The following ZNF213 variants were observed in gnomAD, a reference collection of about 807,000 sequenced individuals.
ZNF213 encodes the protein putative transcription factor CR53.
Under a neutral mutation model 46.0 loss-of-function variants are expected in ZNF213, and 32 were observed. That is an observed-to-expected ratio of 0.70 (90% CI 0.52 to 0.93). The LOEUF is 0.93. ZNF213 is among the 40% of genes least tolerant of loss of function. The probability of loss-of-function intolerance (pLI) is 0.00; values close to 1 mark genes in which losing one functional copy is unlikely to be tolerated. For missense variants in ZNF213, 639 were observed against 652.8 expected, an observed-to-expected ratio of 0.98 and a Z score of 0.23; for synonymous variants, 297 against 271.0, an observed-to-expected ratio of 1.10 and a Z score of -0.94.
intron 3 of ZNF213, 76 bp from the exon 4 acceptor site, chr16:3,138,669 G>A (rs1246197779): frequency 3.1e-6 from 5 of 1,608,380 alleles, no homozygotes; most frequent in Non-Finnish European, 4.3e-6. Flanking sequence ...GTGTGCATGC[G>A]CACAGGCTGG....
In ZNF213 at chr16:3,142,667, C is replaced by T. The variant is rs1389960350; in HGVS notation, c.*1320C>T. ...TGGCTCCCTGCTCCATCGGCACTAA[C>T]GCCCTGCTTCATTGGCACTTTGCTG... is the stretch of plus-strand genomic sequence containing the variant. On this transcript the variant is annotated 3_prime_UTR_variant, in exon 6 of 6. Coordinates refer to ENST00000396878, the MANE Select transcript of ZNF213 (RefSeq NM_004220.3). 6.1e-5 allele frequency: 10 copies of T among 164,806 alleles called. No homozygotes were observed. In the South Asian group the frequency reaches 8.7e-4, roughly 14 times the overall value. 10.2% of individuals were successfully genotyped at this position (164,806 alleles called of 1,614,324 possible). A position where few individuals can be genotyped will look rare whatever the true frequency, so the allele number is the denominator to read the frequency against.
chr16:3,141,424 T>G lies in ZNF213; in HGVS notation c.*77T>G, dbSNP rs1032070167. On this transcript the variant is annotated 3_prime_UTR_variant, in exon 6 of 6. Coordinates refer to ENST00000396878, the MANE Select transcript of ZNF213 (RefSeq NM_004220.3). Reference sequence around the variant, plus strand: ...CTTTGTTCACCACTGGGACTCTCCTTCCATCTGTGGCCACCTCCCGGGCTG... The same window carrying G: ...CTTTGTTCACCACTGGGACTCTCCTGCCATCTGTGGCCACCTCCCGGGCTG... 41 of 1,454,130 alleles carry G rather than the reference T, an allele frequency of 2.8e-5. 1 individual carries two copies. In the African/African-American group the frequency reaches 5.4e-4, roughly 19 times the overall value. The allele number at this position is 1,454,130 out of a possible 1,614,324, so 90.1% of individuals were successfully genotyped here.
At chr16:3,140,600 G>T in intron 5 of ZNF213, 89 bp from the exon 6 acceptor site, 1 of 1,425,590 alleles carries the variant, frequency 7.0e-7, no homozygotes, top group South Asian at 1.7e-5. Context: ...TGGAGGCCAG[G>T]GAGCTTTCCC....
chr16:3,135,861 G>A (rs1160287488), intron 1 of ZNF213, among the ~76,000 whole-genome samples: 3 of 117,724 alleles, frequency 2.5e-5, no homozygotes, highest in Non-Finnish European at 5.3e-5. Context: ...TTTTTTTTGA[G>A]ATGGTCTCAC....
At position 3,141,269 on chromosome 16, in the gene ZNF213, C is replaced by T. The variant is rs1422741676; in HGVS notation, c.1302C>T (p.Cys434=). The change falls in exon 6 of 6, where the codon TGC becomes TGT. Residue 434 remains cysteine, a synonymous_variant. Coordinates refer to ENST00000396878, the MANE Select transcript of ZNF213 (RefSeq NM_004220.3). ...AGCGGCCCTTCGGCTGCGGAGAGTG[C>T]GACAAGAGCTTCAAGCAGCGCGCGC... ...TGERPFGCGE[C]DKSFKQRAHL... is the part of the protein sequence containing the mutation. The T allele has an allele frequency of 3.1e-6, 5 of 1,611,684 alleles. No homozygotes were observed. In the Admixed American group the frequency reaches 6.7e-5, roughly 21 times the overall value.
intron 4 of ZNF213, 39 bp from the exon 5 acceptor site, chr16:3,138,936 G>T (rs1252673950): frequency 2.5e-6 from 4 of 1,614,034 alleles, no homozygotes; most frequent in Non-Finnish European, 2.5e-6. Context: ...CGCCAGTGCT[G>T]CTGGGAGGCC....
At position 3,138,772 on chromosome 16, in the gene ZNF213, G is replaced by T. The variant is rs777861313; in HGVS notation, c.551G>T (p.Gly184Val). 2 of 1,614,086 alleles carry T rather than the reference G, an allele frequency of 1.2e-6. No individual in the cohort carries two copies. The highest frequency in any genetic ancestry group is 8.5e-7 in the Non-Finnish European group (1 of 1,179,996). Residue 184 changes from glycine (G) to valine (V), a missense_variant, in exon 4 of 6, where the codon GGT becomes GTT. Physicochemically the swap from Gly to Val is moderately radical, Grantham distance 109. Transcript: ENST00000396878. The part of the protein sequence containing the change: ...SAQPPALLKE[G>V]RPGETTDTCF... ...CAGCCTCCTGCTCTTCTTAAAGAGG[G>T]TCGTCCCGGAGAGACGACGGACACC...
chr16:3,139,845 G>T (rs1230728068), intron 5 of ZNF213: 1 of 151,890 alleles, frequency 6.6e-6, no homozygotes, highest in Non-Finnish European at 1.5e-5. Flanking sequence ...CCGGGTTCAA[G>T]CAATTCTCCT....
intron 2 of ZNF213, chr16:3,138,119 G>A: frequency 4.0e-6 from 2 of 503,198 alleles, no homozygotes; most frequent in Non-Finnish European, 7.0e-6. Context: ...CTAATGAGTG[G>A]CTGGGGGATG....
In ZNF213 at chr16:3,137,426, G is replaced by A. The variant is rs200158720; in HGVS notation, c.146G>A (p.Arg49Gln). 1.4e-5 allele frequency: 23 copies of A among 1,613,852 alleles called. No individual in the cohort carries two copies. Among genetic ancestry groups the A allele is most frequent in the East Asian group, 2.2e-5 (1 of 44,900 alleles). Residue 49 changes from arginine (R) to glutamine (Q), a missense_variant, in exon 2 of 6, where the codon CGG becomes CAG. Coordinates refer to ENST00000396878, the MANE Select transcript of ZNF213 (RefSeq NM_004220.3). ...RDSEACRQRF[R>Q]QFCYGDVHGP... ...TCCGAAGCCTGCCGCCAGCGCTTCC[G>A]GCAATTCTGCTACGGGGATGTGCAT...
intron 2 of ZNF213, 112 bp downstream of exon 2, chr16:3,137,791 A>G: frequency 2.3e-6 from 3 of 1,327,728 alleles, no homozygotes; most frequent in Non-Finnish European, 3.1e-6. Context: ...GGAGACACAG[A>G]GCCCCCAGGA....
chr16:3,139,639 T>TCTGTCCAGAC, intron 5 of ZNF213: 1 of 155,040 alleles, frequency 6.4e-6, no homozygotes, highest in South Asian at 2.0e-4. Context: ...TCTGTCCAGA[T>TCTGTCCAGAC]CTGTGTTGAG....
intron 3 of ZNF213, 87 bp downstream of exon 3, chr16:3,138,628 A>G: frequency 6.2e-7 from 1 of 1,610,264 alleles, no homozygotes; most frequent in South Asian, 1.1e-5. Context: ...GGTCACAGGC[A>G]GGACAGCTCC....
At position 3,140,981 on chromosome 16, in the gene ZNF213, G is replaced by A. The variant is rs369207665; in HGVS notation, c.1014G>A (p.Thr338=). 4.6e-5 allele frequency: 74 copies of A among 1,609,192 alleles called. No individual in the cohort carries two copies. The highest frequency in any genetic ancestry group is 4.4e-4 in the African/African-American group (33 of 74,844). The part of the protein sequence containing the change: ...WGSDLARHQR[T]HTGEKPHKCP... ...CGGACCTGGCGCGGCACCAGCGCAC[G>A]CACACGGGCGAGAAGCCACACAAGT... The change falls in exon 6 of 6, where the codon ACG becomes ACA. Residue 338 remains threonine (T), a synonymous_variant. Coordinates refer to ENST00000396878, the MANE Select transcript of ZNF213 (RefSeq NM_004220.3).
At chr16:3,138,324 T>C (rs1227316184) in intron 2 of ZNF213, 94 bp from the exon 3 acceptor site, 7 of 1,562,358 alleles carry the variant, frequency 4.5e-6, no homozygotes, top group South Asian at 1.2e-5. Context: ...CCCAGCATCC[T>C]GAGGGTCATG....
intron 1 of ZNF213, among the ~76,000 whole-genome samples, chr16:3,135,674 A>G (rs962993498): frequency 2.6e-5 from 4 of 152,154 alleles, no homozygotes; most frequent in African/African-American, 9.7e-5. Flanking sequence ...CTTTTTTAGT[A>G]AAAGCACAGG....
In ZNF213 at chr16:3,135,136, G is replaced by T. The variant is rs1298827139; in HGVS notation, c.-367G>T. The T allele has an allele frequency of 2.6e-5, 4 of 152,576 alleles. No homozygotes were observed. The highest frequency in any genetic ancestry group is 1.8e-4 in the South Asian group (1 of 5,644). 9.5% of individuals were successfully genotyped at this position (152,576 alleles called of 1,614,324 possible). ...CGGGGGCGGGGGCCGGGGCGGGGAC[G>T]GGGCCTCTGGCCGCCTGGCTCCAAC... is the stretch of plus-strand genomic sequence containing the variant. On this transcript the variant is annotated 5_prime_UTR_variant, in exon 1 of 6. Coordinates refer to ENST00000396878, the MANE Select transcript of ZNF213 (RefSeq NM_004220.3).
Position 3,141,381 on chromosome 16 carries a change from C to T in ZNF213, c.*34C>T, listed in dbSNP as rs759516136. On this transcript the variant is annotated 3_prime_UTR_variant, in exon 6 of 6. Transcript: ENST00000396878. ...CTTGGCCGGAAACCCGGGGGAGGCC[C>T]AGCCACGGCACATCCTGCTTTGTTC... The T allele has an allele frequency of 1.3e-6, 2 of 1,518,260 alleles. No homozygotes were observed. The highest frequency in any genetic ancestry group is 2.0e-5 in the Admixed American group (1 of 50,184). The allele number at this position is 1,518,260 out of a possible 1,614,324, so 94.0% of individuals were successfully genotyped here.
At position 3,137,523 on chromosome 16, in the gene ZNF213, G is replaced by A; in HGVS notation, c.243G>A (p.Lys81=). 6.2e-7 allele frequency: 1 copy of A among 1,614,040 alleles called. No homozygotes were observed. Among genetic ancestry groups the A allele is most frequent in the Non-Finnish European group, 8.5e-7 (1 of 1,180,040 alleles). Residue 81 remains lysine, a synonymous_variant, in exon 2 of 6, where the codon AAG becomes AAA. Transcript: ENST00000396878. ...GGCTGCGGCCCGAGCTGCGTACCAA[G>A]GAGCAGATCCTGGAGCTGCTGGTGC... ...CRWLRPELRT[K]EQILELLVLE...
Sources: allele counts gnomAD v4.1 joint callset (sites outside exome capture counted in the v4.1 genomes callset), GRCh38; gene constraint gnomAD v4.1.1; transcripts MANE v1.5; gene names NCBI Gene and HGNC (gene_info 2026-07-23, HGNC 2026-07-21).